SMARCC2: variants seen among roughly 807,000 people sequenced by gnomAD.
SMARCC2 encodes SWI/SNF related BAF chromatin remodeling complex subunit C2, also known as SWI/SNF complex subunit SMARCC2.
SMARCC2 carries 15 observed loss-of-function variants against 151.3 expected under a neutral mutation model. The ratio of observed to expected loss-of-function variants is 0.10; its 90% confidence interval spans 0.07 to 0.15. The LOEUF (loss-of-function observed/expected upper bound fraction) is 0.15, where lower values mean the gene tolerates loss of function less well. Among genes scored for constraint, SMARCC2 ranks in the 10% least tolerant of loss-of-function variants. SMARCC2 has a pLI of 1.00. For synonymous variants in SMARCC2, 590 were observed against 609.5 expected (o/e 0.97, Z 0.47); for missense variants, 1,031 against 1,599.7 (o/e 0.64, Z 6.06).
rs773295978 is a variant in SMARCC2 at position 56,187,352 on chromosome 12, T to C, written c.112-46A>G. 11 of 1,576,232 alleles carry C rather than the reference T, an allele frequency of 7.0e-6. 1 individual carries two copies. Among genetic ancestry groups the C allele is most frequent in the South Asian group, 6.7e-5 (6 of 89,528 alleles). On this transcript the variant is annotated intron_variant, in intron 1 of 28. Coordinates refer to ENST00000550164, the MANE Select transcript of SMARCC2 (RefSeq NM_001330288.2). ...GAAAGAAAAATAGATCTCAGATAAA[T>C]TGTCCACTATCTCCCATATTTCTCC...
At chr12:56,163,800 C>T (rs367890117) in intron 28 of SMARCC2, 35 bp from the exon 29 acceptor site, 37 of 1,407,560 alleles carry the variant, frequency 2.6e-5, no homozygotes, top group African/African-American at 2.0e-4. Flanking sequence ...AGTTAGAGTA[C>T]GCCGGAGAGA....
At chr12:56,179,084 G>T (rs376933330) in intron 11 of SMARCC2, 28 bp from the exon 12 acceptor site, 1 of 1,608,658 alleles carries the variant, frequency 6.2e-7, no homozygotes, top group East Asian at 2.2e-5. Flanking sequence ...CATTTTATCA[G>T]ACAGATTTTG....
chr12:56,168,302 G>A (rs1245859266), intron 25 of SMARCC2, 108 bp from the exon 26 acceptor site: 7 of 1,273,664 alleles, frequency 5.5e-6, no homozygotes, highest in Non-Finnish European at 7.7e-6. Flanking sequence ...ATTTGCTGTG[G>A]TCACAACCCA....
At position 56,172,248 on chromosome 12, in the gene SMARCC2, T is replaced by C. The variant is rs1386042881; in HGVS notation, c.1926+180A>G. 1.0e-5 allele frequency: 6 copies of C among 573,458 alleles called. No individual in the cohort carries two copies. In the East Asian group the frequency reaches 1.8e-4, roughly 18 times the overall value. The allele number at this position is 573,458 out of a possible 1,614,324, so 35.5% of individuals were successfully genotyped here. A position where few individuals can be genotyped will look rare whatever the true frequency, so the allele number is the denominator to read the frequency against. On this transcript the variant is annotated intron_variant, in intron 20 of 28. Coordinates refer to ENST00000550164, the MANE Select transcript of SMARCC2 (RefSeq NM_001330288.2). ...GGTGTGTGCCACCACACCTGGCTAATTTTTAAAATTTTTCGTAGAGACGGA... is the reference window on the plus strand; with the variant it reads ...GGTGTGTGCCACCACACCTGGCTAACTTTTAAAATTTTTCGTAGAGACGGA...
rs1435783297 is a variant in SMARCC2, at chr12:56,171,390, A to G, written c.2228T>C (p.Val743Ala). ...TTCCACTTTTCGAACATGGGCCTCC[A>G]CCAAGGCCGTGGGTACCTCTTCCTT... The part of the protein sequence containing the change: ...KMKEEVPTAL[V>A]EAHVRKVEEA... The change falls in exon 22 of 29, where the codon GTG becomes GCG. Residue 743 changes from valine to alanine, a missense_variant. Val to Ala is a moderately conservative substitution (Grantham distance 64). Coordinates refer to ENST00000550164, the MANE Select transcript of SMARCC2 (RefSeq NM_001330288.2). The surrounding 1 kb of genome is among the most constrained non-coding windows in gnomAD (Gnocchi z 4.2). 1 of 1,614,178 alleles carries G rather than the reference A, an allele frequency of 6.2e-7. No homozygotes were observed. The highest frequency in any genetic ancestry group is 8.5e-7 in the Non-Finnish European group (1 of 1,180,018).
At chr12:56,175,172 C>T (rs1260019846) in intron 15 of SMARCC2, among the ~76,000 whole-genome samples, 9 of 152,034 alleles carry the variant, frequency 5.9e-5, no homozygotes, top group African/African-American at 1.2e-4. Flanking sequence ...CCACCACGGC[C>T]GGCTAATTTT....
chr12:56,181,657 G>A (rs1876233188), intron 9 of SMARCC2, 47 bp downstream of exon 9: 3 of 1,613,828 alleles, frequency 1.9e-6, no homozygotes, highest in South Asian at 2.2e-5. Context: ...GATTTGTTCT[G>A]AGACTTATGC....
At chr12:56,189,045 A>G (rs1036341662) in intron 1 of SMARCC2, among the ~76,000 whole-genome samples, 28 of 151,782 alleles carry the variant, frequency 1.8e-4, no homozygotes, top group African/African-American at 5.3e-4. Context: ...TCTCCCAGAA[A>G]AGCCAGGAGG....
At chr12:56,168,515 C>T (rs1475749881) in intron 25 of SMARCC2, among the ~76,000 whole-genome samples, 2 of 151,910 alleles carry the variant, frequency 1.3e-5, no homozygotes, top group African/African-American at 4.8e-5. Context: ...CCTGGGATTA[C>T]AGACATGCGC....
chr12:56,179,457 T>C (rs556062904), intron 11 of SMARCC2, among the ~76,000 whole-genome samples: 14 of 152,106 alleles, frequency 9.2e-5, no homozygotes, highest in Admixed American at 3.3e-4. Flanking sequence ...GGAGCAAACA[T>C]AGAGAAGAGA....
Position 56,164,300 on chromosome 12 carries a change from C to T in SMARCC2, c.3661+3G>A. ...CCCTTCTCCCCTCTTGGCCCCTTCTCACCTGGCAGTGGGCTGGCACTGGGC... is the reference window on the plus strand; with the variant it reads ...CCCTTCTCCCCTCTTGGCCCCTTCTTACCTGGCAGTGGGCTGGCACTGGGC... On this transcript the variant is annotated splice_donor_region_variant and intron_variant, in intron 28 of 28. Coordinates refer to ENST00000550164, the MANE Select transcript of SMARCC2 (RefSeq NM_001330288.2). 6.2e-7 allele frequency: 1 copy of T among 1,612,424 alleles called. No homozygotes were observed. The highest frequency in any genetic ancestry group is 8.5e-7 in the Non-Finnish European group (1 of 1,179,804).
In SMARCC2 at chr12:56,171,464, C is replaced by T. The variant is rs757401916; in HGVS notation, c.2186-32G>A. ...GACCCAGAAAGAATGAGGCTGGGAGCGGCACAGTGGAACAGTTCTGGCAAT... is the reference window on the plus strand; with the variant it reads ...GACCCAGAAAGAATGAGGCTGGGAGTGGCACAGTGGAACAGTTCTGGCAAT... On this transcript the variant is annotated intron_variant, in intron 21 of 28. Coordinates refer to ENST00000550164, the MANE Select transcript of SMARCC2 (RefSeq NM_001330288.2). The surrounding 1 kb of genome is among the most constrained non-coding windows in gnomAD (Gnocchi z 4.2). 3.1e-6 allele frequency: 5 copies of T among 1,613,306 alleles called. No homozygotes were observed. The highest frequency in any genetic ancestry group is 1.1e-5 in the South Asian group (1 of 91,048).
chr12:56,162,583 G>A lies in SMARCC2; in HGVS notation c.*1106C>T, dbSNP rs1297739809. ...CACAGGGGAGAAGCTGGGACACGTGGAGCAGGAATGCGGGAAGCAGAGTTG... is the reference window on the plus strand; with the variant it reads ...CACAGGGGAGAAGCTGGGACACGTGAAGCAGGAATGCGGGAAGCAGAGTTG... On this transcript the variant is annotated 3_prime_UTR_variant, in exon 29 of 29. Transcript: ENST00000550164. The A allele has an allele frequency of 6.7e-6, 3 of 444,712 alleles. No individual in the cohort carries two copies. The highest frequency in any genetic ancestry group is 4.0e-5 in the African/African-American group (2 of 50,026). 27.5% of individuals were successfully genotyped at this position (444,712 alleles called of 1,614,324 possible).
chr12:56,181,034 C>A lies in SMARCC2; in HGVS notation c.1024G>T (p.Asp342Tyr). Residue 342 changes from aspartate to tyrosine, a missense_variant, in exon 11 of 29, where the codon GAC becomes TAC. Transcript: ENST00000550164. ...REEEQEDLTKDMDEPSPVPNV... is the reference protein window; with the variant it reads ...REEEQEDLTKYMDEPSPVPNV... ...GGGACTGGTGAGGGCTCGTCCATGT[C>A]CTTTGTCAGGTCTTCTTGCTCCTCT... 2 of 1,613,826 alleles carry A rather than the reference C, an allele frequency of 1.2e-6. No homozygotes were observed. Among genetic ancestry groups the A allele is most frequent in the Non-Finnish European group, 1.7e-6 (2 of 1,179,916 alleles).
intron 1 of SMARCC2, 21 bp downstream of exon 1, chr12:56,189,330 G>A: frequency 7.0e-7 from 1 of 1,435,400 alleles, no homozygotes; most frequent in Non-Finnish European, 9.4e-7. Context: ...GTCCCCGCGC[G>A]GCCCGGCCCG....
At chr12:56,182,403 C>A (rs1296830632) in intron 7 of SMARCC2, among the ~76,000 whole-genome samples, 1 of 151,636 alleles carries the variant, frequency 6.6e-6, no homozygotes, top group Admixed American at 6.6e-5. Context: ...CGGCTCACTG[C>A]AACCTCCGCC....
In SMARCC2 at chr12:56,176,151, C is replaced by T. The variant is rs183173531; in HGVS notation, c.1383-1387G>A. ...GAATTACAGGCGTGAGCCACCATGC[C>T]CAGCCATCATTTACTATTTTATACC... On this transcript the variant is annotated intron_variant, in intron 15 of 28. Coordinates refer to ENST00000550164, the MANE Select transcript of SMARCC2 (RefSeq NM_001330288.2). Among the ~76,000 whole-genome samples the T allele has an allele frequency of 3.5e-3, 509 of 147,310 alleles. 6 individuals are homozygous for T. Among genetic ancestry groups the T allele is most frequent in the African/African-American group, 0.013 (491 of 36,638 alleles).
rs375202969 is a variant in SMARCC2, at chr12:56,187,077, C to T, written c.231+110G>A. 1.1e-4 allele frequency: 130 copies of T among 1,220,478 alleles called. 1 individual carries two copies. In the East Asian group the frequency reaches 1.2e-3, roughly 11 times the overall value. The allele number at this position is 1,220,478 out of a possible 1,614,324, so 75.6% of individuals were successfully genotyped here. ...AGGGATAGGGATGGTGGAAAATAAC[C>T]CAAATTTCAAAAATTACAAAATTCA... On this transcript the variant is annotated intron_variant, in intron 2 of 28. Coordinates refer to ENST00000550164, the MANE Select transcript of SMARCC2 (RefSeq NM_001330288.2).
At chr12:56,167,222 A>G (rs1231455222) in intron 26 of SMARCC2, among the ~76,000 whole-genome samples, 3 of 149,176 alleles carry the variant, frequency 2.0e-5, no homozygotes, top group African/African-American at 7.5e-5. Flanking sequence ...ATGGTGGCAC[A>G]TGCCTGTAAT....
Sources: allele counts gnomAD v4.1 joint callset (sites outside exome capture counted in the v4.1 genomes callset), GRCh38; gene constraint gnomAD v4.1.1; non-coding constraint Gnocchi (gnomAD v3.1); transcripts MANE v1.5; gene names NCBI Gene and HGNC (gene_info 2026-07-23, HGNC 2026-07-21).